HIPK2: variants seen among roughly 807,000 people sequenced by gnomAD.
HIPK2 encodes homeodomain interacting protein kinase 2.
HIPK2 carries 27 observed loss-of-function variants against 113.7 expected under a neutral mutation model. The ratio of observed to expected loss-of-function variants is 0.24; its 90% CI spans 0.17 to 0.33. HIPK2 has a LOEUF of 0.33. Ranked by LOEUF, HIPK2 falls within the 10% of genes least tolerant of loss-of-function variation. HIPK2 has a pLI of 1.00. For missense variants in HIPK2, 1,257 were observed against 1,588.0 expected, an observed-to-expected ratio of 0.79 and a Z score of 3.54; for synonymous variants, 631 against 642.2, an observed-to-expected ratio of 0.98 and a Z score of 0.26.
chr7:139,628,964 C>T lies in HIPK2; in HGVS notation c.1423G>A (p.Asp475Asn). 1 of 1,593,926 alleles carries T rather than the reference C, an allele frequency of 6.3e-7. No individual in the cohort carries two copies. The highest frequency in any genetic ancestry group is 8.6e-7 in the Non-Finnish European group (1 of 1,168,460). The stretch of plus-strand genomic sequence containing the variant: ...CCCATGAAGCTTACCTGGGCCATAT[C>T]ATCTAAACAGTTGAAAATGTACTTT... ...ARKYIFNCLD[D>N]MAQVNMTTDL... The change falls in exon 5 of 15, where the codon GAT becomes AAT. Residue 475 changes from aspartate (D) to asparagine (N), a missense_variant. Physicochemically the swap from Asp to Asn is conservative, Grantham distance 23 (BLOSUM62 1). Coordinates refer to ENST00000406875, the MANE Select transcript of HIPK2 (RefSeq NM_022740.5).
chr7:139,568,932 C>T lies in HIPK2; in HGVS notation c.*3995G>A, dbSNP rs1331840601. 1 of 152,526 alleles carries T rather than the reference C, an allele frequency of 6.6e-6. No homozygotes were observed. Among genetic ancestry groups the T allele is most frequent in the African/African-American group, 2.4e-5 (1 of 41,464 alleles). 9.4% of individuals were successfully genotyped at this position (152,526 alleles called of 1,614,324 possible). A position where few individuals can be genotyped will look rare whatever the true frequency, so the allele number is the denominator to read the frequency against. On this transcript the variant is annotated 3_prime_UTR_variant, in exon 15 of 15. Coordinates refer to ENST00000406875, the MANE Select transcript of HIPK2 (RefSeq NM_022740.5). Reference sequence around the variant, plus strand: ...TGGCATCGCCCAATACTTCCCTTCCCTTCCCTTCGGTGAAGCTGGCTATTT... The same window carrying T: ...TGGCATCGCCCAATACTTCCCTTCCTTTCCCTTCGGTGAAGCTGGCTATTT...
At chr7:139,686,378 G>C (rs577202094) in intron 2 of HIPK2, among the ~76,000 whole-genome samples, 2 of 152,350 alleles carry the variant, frequency 1.3e-5, no homozygotes, top group African/African-American at 2.4e-5. Flanking sequence ...TTGTTGAAAT[G>C]ATAACAAAGG....
At chr7:139,691,225 T>C (rs1366998395) in intron 2 of HIPK2, among the ~76,000 whole-genome samples, 1 of 152,226 alleles carries the variant, frequency 6.6e-6, no homozygotes, top group Admixed American at 6.5e-5. Flanking sequence ...CTGGTTTATA[T>C]GTCTCTATAG....
intron 1 of HIPK2, among the ~76,000 whole-genome samples, chr7:139,774,013 C>T (rs918816994): frequency 2.0e-5 from 3 of 152,084 alleles, no homozygotes; most frequent in African/African-American, 7.2e-5. Context: ...AAGCTCAATG[C>T]AAATAAAGAA....
chr7:139,563,776 G>A lies in HIPK2; in HGVS notation c.*9151C>T. On this transcript the variant is annotated 3_prime_UTR_variant, in exon 15 of 15. Coordinates refer to ENST00000406875, the MANE Select transcript of HIPK2 (RefSeq NM_022740.5). ...TACAGTTCACAGGGAAAAAGCAAAT[G>A]TGGTATTTTTTTGTATTTTTTAAAA... The A allele has an allele frequency of 2.5e-6, 1 of 398,568 alleles. No individual in the cohort carries two copies. Among genetic ancestry groups the A allele is most frequent in the Middle Eastern group, 6.3e-4 (1 of 1,588 alleles). The allele number at this position is 398,568 out of a possible 1,614,324, so 24.7% of individuals were successfully genotyped here. A position where few individuals can be genotyped will look rare whatever the true frequency, so the allele number is the denominator to read the frequency against.
intron 1 of HIPK2, among the ~76,000 whole-genome samples, chr7:139,729,316 C>G (rs573054479): frequency 7.6e-4 from 89 of 117,648 alleles, no homozygotes; most frequent in African/African-American, 2.8e-3. Context: ...CAGAGTAGAC[C>G]CTGTCTCTGA....
chr7:139,668,800 G>A (rs1301465047), intron 2 of HIPK2, among the ~76,000 whole-genome samples: 1 of 152,212 alleles, frequency 6.6e-6, no homozygotes. Context: ...GATATTAGCT[G>A]TTCTATTTAG....
chr7:139,762,002 C>T (rs1796473487), intron 1 of HIPK2, among the ~76,000 whole-genome samples: 1 of 151,794 alleles, frequency 6.6e-6, no homozygotes, highest in Non-Finnish European at 1.5e-5. Context: ...CCTTTATTTT[C>T]TAATTTCCTT....
At chr7:139,655,655 G>A (rs79022637) in intron 2 of HIPK2, among the ~76,000 whole-genome samples, 1,977 of 152,272 alleles carry the variant, frequency 0.013, 56 homozygotes, top group African/African-American at 0.046. Flanking sequence ...CGCACAAGTG[G>A]AGGGGTCTAC....
At chr7:139,646,394 G>C (rs1801225023) in intron 2 of HIPK2, among the ~76,000 whole-genome samples, 1 of 151,670 alleles carries the variant, frequency 6.6e-6, no homozygotes, top group Non-Finnish European at 1.5e-5. Flanking sequence ...CAGCTACTCA[G>C]GAGGCTGAGG....
chr7:139,667,538 C>A (rs906126827), intron 2 of HIPK2, among the ~76,000 whole-genome samples: 2 of 152,122 alleles, frequency 1.3e-5, no homozygotes, highest in African/African-American at 4.8e-5. Context: ...AGTAACACTG[C>A]AGAGTGTCAC....
chr7:139,727,704 C>T (rs1795625321), intron 1 of HIPK2, among the ~76,000 whole-genome samples: 1 of 152,144 alleles, frequency 6.6e-6, no homozygotes, highest in African/African-American at 2.4e-5. Flanking sequence ...GGTGAGCCAG[C>T]CTTGCCCTGC....
rs779074681 is a variant in HIPK2, at chr7:139,631,560, G to A, written c.1227+42C>T. ...TGCTAATCCAGGCTATTTTCCAGAT[G>A]AAGAATGAGGTCTTGTGAATATCTG... On this transcript the variant is annotated intron_variant, in intron 3 of 14. Transcript: ENST00000406875. The surrounding 1 kb of genome is among the most constrained non-coding windows in gnomAD (Gnocchi z 4.9). 7 of 1,596,312 alleles carry A rather than the reference G, an allele frequency of 4.4e-6. No homozygotes were observed. Among genetic ancestry groups the A allele is most frequent in the African/African-American group, 1.3e-5 (1 of 74,174 alleles).
chr7:139,728,820 CAT>C (rs1795671834), intron 1 of HIPK2, among the ~76,000 whole-genome samples: 2 of 152,304 alleles, frequency 1.3e-5, no homozygotes, highest in South Asian at 4.1e-4. Flanking sequence ...GGAGATAAGA[CAT>C]TTCACTTTGT....
At chr7:139,681,758 G>C (rs1802707979) in intron 2 of HIPK2, among the ~76,000 whole-genome samples, 1 of 152,190 alleles carries the variant, frequency 6.6e-6, no homozygotes, top group Non-Finnish European at 1.5e-5. Context: ...AGCGTGCGGA[G>C]CCTGGACTTT....
chr7:139,765,471 A>C (rs572785877), intron 1 of HIPK2, among the ~76,000 whole-genome samples: 6 of 152,328 alleles, frequency 3.9e-5, no homozygotes, highest in African/African-American at 1.4e-4. Flanking sequence ...TTTGTAAAAA[A>C]GTGGAACGTT....
At chr7:139,619,522 G>A (rs1800164820) in intron 7 of HIPK2, among the ~76,000 whole-genome samples, 2 of 152,156 alleles carry the variant, frequency 1.3e-5, no homozygotes, top group Admixed American at 1.3e-4. Flanking sequence ...GAAATCTGTG[G>A]GAAGAAAACC....
At chr7:139,719,021 C>T (rs1795328303) in intron 1 of HIPK2, among the ~76,000 whole-genome samples, 1 of 152,214 alleles carries the variant, frequency 6.6e-6, no homozygotes, top group Admixed American at 6.5e-5. Flanking sequence ...ACATCTGATA[C>T]TGCTGACCAC....
At chr7:139,740,729 G>C (rs1021990665) in intron 1 of HIPK2, among the ~76,000 whole-genome samples, 2 of 152,218 alleles carry the variant, frequency 1.3e-5, no homozygotes, top group African/African-American at 4.8e-5. Flanking sequence ...GAAGCCCAGG[G>C]AAGGAGCCAA....
Sources: gnomAD v4.1 joint callset for allele counts (sites outside exome capture counted in the v4.1 genomes callset) on GRCh38, gnomAD v4.1.1 for gene constraint, Gnocchi (gnomAD v3.1) non-coding constraint, MANE v1.5 for transcripts, NCBI Gene and HGNC (gene_info 2026-07-23, HGNC 2026-07-21) for gene names.